Variants in FUT8 observed in about 807,000 individuals in gnomAD.
FUT8 encodes alpha-(1,6)-fucosyltransferase.
In FUT8, 29 loss-of-function variants were observed where a neutral mutation model predicts 71.3. The observed-to-expected ratio is 0.41, with a 90% CI of 0.30 to 0.55. FUT8 has a LOEUF of 0.55. FUT8 is among the 20% of genes least tolerant of loss of function. The pLI, the probability that FUT8 is intolerant of heterozygous loss-of-function variation, is 0.34. For missense variants in FUT8, 544 were observed against 702.1 expected (o/e 0.77, Z 2.55); for synonymous variants, 254 against 239.3 (o/e 1.06, Z -0.57).
At chr14:65,516,240 C>T (rs1043483762) in intron 2 of FUT8, 4 of 151,802 alleles carry the variant, frequency 2.6e-5, no homozygotes. Flanking sequence ...TGACATGTTA[C>T]AGCTCCTTAT....
At chr14:65,438,967 A>G (rs1355527259) in intron 1 of FUT8, among the ~76,000 whole-genome samples, 2 of 152,228 alleles carry the variant, frequency 1.3e-5, no homozygotes, top group African/African-American at 2.4e-5. Context: ...TTTATTTCCT[A>G]ATGAAAAATA....
intron 2 of FUT8, among the ~76,000 whole-genome samples, chr14:65,525,262 A>G (rs1883371986): frequency 1.3e-5 from 2 of 152,070 alleles, no homozygotes; most frequent in Admixed American, 6.6e-5. Context: ...GTCTATTCAG[A>G]GATTCAACTT....
chr14:65,445,924 A>G lies in FUT8; in HGVS notation c.-325-9697A>G, dbSNP rs886446537. Among the ~76,000 whole-genome samples the G allele has an allele frequency of 3.9e-5, 6 of 152,238 alleles. No individual in the cohort carries two copies. The South Asian group carries it at 1.2e-3, about 32-fold the overall frequency. On this transcript the variant is annotated intron_variant, in intron 1 of 10. Transcript: ENST00000673929. Reference sequence around the variant, plus strand: ...ATTACAGGTGTGAGCGACTGTGCCCAGCTAGAAAACCTTTCATATTAAAAT... The same window carrying G: ...ATTACAGGTGTGAGCGACTGTGCCCGGCTAGAAAACCTTTCATATTAAAAT...
Position 65,431,595 on chromosome 14 carries a change from G to A in FUT8, c.-326+18381G>A, listed in dbSNP as rs182581413. Among the ~76,000 whole-genome samples, 27 of 151,890 alleles carry A rather than the reference G, an allele frequency of 1.8e-4. No homozygotes were observed. The East Asian group carries it at 5.2e-3, about 29-fold the overall frequency. ...CTTAAAGTGTTGGGATTACAGGCGT[G>A]AGCCACCACTCTACTTCTTCCTAGG... On this transcript the variant is annotated intron_variant, in intron 1 of 10. Transcript: ENST00000673929.
chr14:65,453,394 A>G (rs1460483275), intron 1 of FUT8, among the ~76,000 whole-genome samples: 2 of 152,172 alleles, frequency 1.3e-5, no homozygotes, highest in East Asian at 3.8e-4. Flanking sequence ...AATCTTTGTT[A>G]AGTGTAACCA....
intron 10 of FUT8, among the ~76,000 whole-genome samples, chr14:65,737,778 T>A (rs958172132): frequency 1.3e-5 from 2 of 152,064 alleles, no homozygotes; most frequent in East Asian, 3.9e-4. Context: ...ATCCTTTTTT[T>A]CCCCCTATGA....
chr14:65,591,784 A>G (rs1887700785), intron 3 of FUT8, among the ~76,000 whole-genome samples: 1 of 151,820 alleles, frequency 6.6e-6, no homozygotes, highest in African/African-American at 2.4e-5. Context: ...CTTTCTCTTA[A>G]AGTATTGTGG....
chr14:65,564,087 C>T (rs180935502), intron 3 of FUT8, among the ~76,000 whole-genome samples: 1 of 152,086 alleles, frequency 6.6e-6, no homozygotes, highest in East Asian at 1.9e-4. Context: ...GTATTTCTTC[C>T]AAAGGGATGT....
intron 1 of FUT8, among the ~76,000 whole-genome samples, chr14:65,439,954 G>GTGTATGTATATATATATATATATA: frequency 1.3e-5 from 1 of 74,984 alleles, no homozygotes; most frequent in African/African-American, 5.1e-5. Context: ...GTGTGTGTGT[G>GTGTATGTATATATATATATATATA]TATATATATA....
intron 6 of FUT8, among the ~76,000 whole-genome samples, chr14:65,644,555 G>A (rs1261193217): frequency 1.3e-5 from 2 of 151,772 alleles, no homozygotes; most frequent in Non-Finnish European, 2.9e-5. Context: ...TAGAGACGGG[G>A]TTTCACCGTG....
intron 1 of FUT8, among the ~76,000 whole-genome samples, chr14:65,450,623 CAG>C (rs1293221201): frequency 1.3e-5 from 2 of 152,090 alleles, no homozygotes; most frequent in Non-Finnish European, 2.9e-5. Context: ...TTCTTTTTCT[CAG>C]AGAAATCTTT....
At position 65,633,007 on chromosome 14, in the gene FUT8, C is replaced by T. The variant is rs1025058897; in HGVS notation, c.597+3401C>T. Reference sequence around the variant, plus strand: ...CTCTCCCCTCTCCCCTCTCCCCTCCCCCCCCCCGTCTCCCCAGGGTCTCCC... The same window carrying T: ...CTCTCCCCTCTCCCCTCTCCCCTCCTCCCCCCCGTCTCCCCAGGGTCTCCC... On this transcript the variant is annotated intron_variant, in intron 6 of 10. Coordinates refer to ENST00000673929, the MANE Select transcript of FUT8 (RefSeq NM_001371533.1). 1.6e-4 allele frequency among the ~76,000 whole-genome samples: 23 copies of T among 145,934 alleles called. 1 individual carries two copies. The highest frequency in any genetic ancestry group is 8.1e-4 in the Admixed American group (12 of 14,848).
chr14:65,508,596 G>A (rs764768912), intron 2 of FUT8, among the ~76,000 whole-genome samples: 4 of 144,866 alleles, frequency 2.8e-5, no homozygotes, highest in Non-Finnish European at 3.0e-5. Flanking sequence ...CACCTCCCGG[G>A]TTCAAGCAAT....
chr14:65,705,684 A>G (rs1209548809), intron 7 of FUT8, among the ~76,000 whole-genome samples: 1 of 152,230 alleles, frequency 6.6e-6, no homozygotes, highest in Non-Finnish European at 1.5e-5. Flanking sequence ...AGAAAGTGTT[A>G]CTGTTTTAGA....
At chr14:65,539,336 G>A (rs1052180546) in intron 2 of FUT8, among the ~76,000 whole-genome samples, 5 of 152,152 alleles carry the variant, frequency 3.3e-5, no homozygotes, top group East Asian at 1.9e-4. Context: ...CAGCCATACC[G>A]TGTTTCTTTG....
intron 2 of FUT8, among the ~76,000 whole-genome samples, chr14:65,547,970 A>G (rs949704222): frequency 2.6e-5 from 4 of 151,956 alleles, no homozygotes; most frequent in African/African-American, 9.7e-5. Context: ...ATATTTAGTC[A>G]TTATGTCTCC....
At chr14:65,386,067 G>A in the FUT8 span, among the ~76,000 whole-genome samples, 7 of 150,876 alleles carry the variant, frequency 4.6e-5, no homozygotes, top group South Asian at 2.1e-4. Flanking sequence ...TGGGAGAATC[G>A]CTTGAGCCCA....
chr14:65,468,681 T>C (rs1233141399), intron 2 of FUT8, among the ~76,000 whole-genome samples: 1 of 152,190 alleles, frequency 6.6e-6, no homozygotes, highest in Non-Finnish European at 1.5e-5. Flanking sequence ...TTGCTTGGTG[T>C]TCTCTGAACT....
chr14:65,485,826 TC>T (rs1381868609), intron 2 of FUT8, among the ~76,000 whole-genome samples: 9 of 152,326 alleles, frequency 5.9e-5, no homozygotes, highest in African/African-American at 2.2e-4. Context: ...TGGATTTCTT[TC>T]TCTTCCCTGG....
Sources: allele counts gnomAD v4.1 joint callset (sites outside exome capture counted in the v4.1 genomes callset), GRCh38; gene constraint gnomAD v4.1.1; transcripts MANE v1.5; gene names NCBI Gene and HGNC (gene_info 2026-07-23, HGNC 2026-07-21).